Variants in CFLAR observed in about 807,000 individuals in gnomAD.
CFLAR encodes the protein CASP8 and FADD-like apoptosis regulator.
Under a neutral mutation model 51.1 loss-of-function variants are expected in CFLAR, and 14 were observed. The observed-to-expected ratio is 0.27, with a 90% CI of 0.18 to 0.43. The LOEUF (loss-of-function observed/expected upper bound fraction) is 0.43, where lower values mean the gene tolerates loss of function less well. Ranked by LOEUF, CFLAR falls within the 20% of genes least tolerant of loss-of-function variation. The pLI, the probability that CFLAR is intolerant of heterozygous loss-of-function variation, is 1.00. For synonymous variants in CFLAR, 210 were observed against 211.6 expected (o/e 0.99, Z 0.06); for missense variants, 390 against 566.5 (o/e 0.69, Z 3.16).
chr2:201,138,261 C>T lies in CFLAR; in HGVS notation c.524-2096C>T, dbSNP rs770028139. 34 of 826,796 alleles carry T rather than the reference C, an allele frequency of 4.1e-5. No homozygotes were observed. Among genetic ancestry groups the T allele is most frequent in the Non-Finnish European group, 5.8e-5 (27 of 466,268 alleles). 51.2% of individuals were successfully genotyped at this position (826,796 alleles called of 1,614,324 possible). A position where few individuals can be genotyped will look rare whatever the true frequency, so the allele number is the denominator to read the frequency against. ...GACGAGTCCAAGCCTATGACATTGA[C>T]GCCTACCTGGGTGAGCAGGTCCAGG... On this transcript the variant is annotated intron_variant, in intron 4 of 9. Coordinates refer to ENST00000309955, the MANE Select transcript of CFLAR (RefSeq NM_003879.7). This position sits in a 1 kb window ranked among gnomAD's most constrained non-coding sequence, Gnocchi z 4.0.
chr2:201,168,384 A>T lies in CFLAR; in HGVS notation c.*4411A>T, dbSNP rs1217419614. On this transcript the variant is annotated 3_prime_UTR_variant, in exon 10 of 10. Transcript: ENST00000309955. The stretch of plus-strand genomic sequence containing the variant: ...AACTAAAGACAAAAACCACATGATT[A>T]TCTCAATAGATACAGAAAAGGCCTT... 6.6e-6 allele frequency: 1 copy of T among 152,268 alleles called. No homozygotes were observed. Among genetic ancestry groups the T allele is most frequent in the Non-Finnish European group, 1.5e-5 (1 of 68,052 alleles). 9.4% of individuals were successfully genotyped at this position (152,268 alleles called of 1,614,324 possible). A position where few individuals can be genotyped will look rare whatever the true frequency, so the allele number is the denominator to read the frequency against.
chr2:201,148,750 G>A (rs1203000759), intron 6 of CFLAR: 4 of 414,560 alleles, frequency 9.6e-6, no homozygotes, highest in African/African-American at 8.0e-5. Flanking sequence ...CGGGGTAGGG[G>A]AGAGCCTTCT....
rs1943914936 is a variant in CFLAR, at chr2:201,169,989, CTT to C, written c.*6019_*6020del. On this transcript the variant is annotated 3_prime_UTR_variant, in exon 10 of 10. Coordinates refer to ENST00000309955, the MANE Select transcript of CFLAR (RefSeq NM_003879.7). ...GCGAGGCTGTGGAGAAGTAGGAACACTTTTACATTGTTGGTGGGAATGTAAAT... is the reference window on the plus strand; with the variant it reads ...GCGAGGCTGTGGAGAAGTAGGAACACTTACATTGTTGGTGGGAATGTAAAT... 1 of 152,188 alleles carries C rather than the reference CTT, an allele frequency of 6.6e-6. No individual in the cohort carries two copies. Among genetic ancestry groups the C allele is most frequent in the African/African-American group, 2.4e-5 (1 of 41,450 alleles). The allele number at this position is 152,188 out of a possible 1,614,324, so 9.4% of individuals were successfully genotyped here.
intron 9 of CFLAR, among the ~76,000 whole-genome samples, chr2:201,161,701 C>G (rs1253374461): frequency 1.3e-5 from 2 of 150,932 alleles, no homozygotes; most frequent in African/African-American, 4.9e-5. Context: ...AAGCGTGAGC[C>G]ACTGCGCCTG....
intron 9 of CFLAR, chr2:201,163,317 A>G (rs954188644): frequency 3.2e-6 from 4 of 1,234,834 alleles, no homozygotes; most frequent in Admixed American, 8.1e-5. Context: ...GCCACAATGT[A>G]CCTCAAGTAT....
At chr2:201,141,251 A>G (rs1559210665) in intron 5 of CFLAR, 2 of 1,269,932 alleles carry the variant, frequency 1.6e-6, no homozygotes, top group Non-Finnish European at 2.1e-6. Flanking sequence ...TTTTCTTCCT[A>G]CCCCTATAAT....
chr2:201,134,334 G>A (rs1454425867), intron 3 of CFLAR, among the ~76,000 whole-genome samples: 1 of 149,394 alleles, frequency 6.7e-6, no homozygotes, highest in African/African-American at 2.5e-5. Context: ...TTTAACTCCA[G>A]TTGGCCTAGC....
At chr2:201,159,721 A>C (rs969666152) in intron 8 of CFLAR, among the ~76,000 whole-genome samples, 1 of 152,238 alleles carries the variant, frequency 6.6e-6, no homozygotes, top group African/African-American at 2.4e-5. Flanking sequence ...TTATTTACCT[A>C]AAAATGTATA....
chr2:201,139,311 C>A, intron 4 of CFLAR: 2 of 257,138 alleles, frequency 7.8e-6, no homozygotes, highest in East Asian at 1.1e-4. Context: ...GCCGCAGGGA[C>A]CTCTGCCTAG....
At chr2:201,160,300 A>G in intron 8 of CFLAR, 132 bp from the exon 9 acceptor site, 1 of 959,500 alleles carries the variant, frequency 1.0e-6, no homozygotes, top group South Asian at 1.6e-5. Flanking sequence ...GGACTCAGGC[A>G]CATCAAAATA....
chr2:201,145,971 C>CTTT (rs547118436), intron 6 of CFLAR, among the ~76,000 whole-genome samples: 1 of 145,562 alleles, frequency 6.9e-6, no homozygotes, highest in Admixed American at 6.9e-5. Context: ...AAAGATTACT[C>CTTT]TTTTTTTTTT....
rs201919535 is a variant in CFLAR at position 201,149,843 on chromosome 2, T to C, written c.793+8T>C. ...GCATTGGCAATGAGACAGGTAGGTG[T>C]GGAAGCTGCAGATTAACTGGTGCCC... On this transcript the variant is annotated splice_region_variant and intron_variant, in intron 8 of 9. Coordinates refer to ENST00000309955, the MANE Select transcript of CFLAR (RefSeq NM_003879.7). 33 of 1,608,644 alleles carry C rather than the reference T, an allele frequency of 2.1e-5. No individual in the cohort carries two copies. The highest frequency in any genetic ancestry group is 2.6e-5 in the Non-Finnish European group (30 of 1,175,168).
intron 8 of CFLAR, among the ~76,000 whole-genome samples, chr2:201,156,034 T>C (rs1024121375): frequency 6.6e-6 from 1 of 152,232 alleles, no homozygotes; most frequent in Non-Finnish European, 1.5e-5. Flanking sequence ...ACTGGGATTA[T>C]GGCCATGAGC....
rs911077181 is a variant in CFLAR at position 201,165,358 on chromosome 2, C to A, written c.*1385C>A. ...TCATCTTGGCTCATTGCAACCTCTG[C>A]CTTCTGGGTTCAAGCGATTCTCCTG... On this transcript the variant is annotated 3_prime_UTR_variant, in exon 10 of 10. Transcript: ENST00000309955. 2.0e-5 allele frequency: 3 copies of A among 151,024 alleles called. No homozygotes were observed. The highest frequency in any genetic ancestry group is 3.0e-5 in the Non-Finnish European group (2 of 67,784). 9.4% of individuals were successfully genotyped at this position (151,024 alleles called of 1,614,324 possible).
intron 8 of CFLAR, chr2:201,151,397 C>T (rs552143005): frequency 5.3e-5 from 8 of 152,148 alleles, no homozygotes; most frequent in Non-Finnish European, 1.2e-4. Flanking sequence ...TGAGTCAGAA[C>T]TATCTTTCAG....
rs79338238 is a variant in CFLAR, at chr2:201,132,410, C to G, written c.282-619C>G. Among the ~76,000 whole-genome samples, 827 of 140,786 alleles carry G rather than the reference C, an allele frequency of 5.9e-3. 5 individuals carry two copies. Among genetic ancestry groups the G allele is most frequent in the African/African-American group, 0.022 (769 of 35,060 alleles). 92.4% of individuals were successfully genotyped at this position (140,786 alleles called of 152,430 possible). On this transcript the variant is annotated intron_variant, in intron 2 of 9. Transcript: ENST00000309955. ...AAGTGTGGTTGTTGGTTCTCAAAGT[C>G]TATTTCCTAGGGGGGGAAAAATATA...
At chr2:201,127,146 G>T (rs867908950) in intron 1 of CFLAR, among the ~76,000 whole-genome samples, 2 of 152,180 alleles carry the variant, frequency 1.3e-5, no homozygotes, top group Non-Finnish European at 1.5e-5. Context: ...CACTTGGGGG[G>T]AGAAATGAAG....
At position 201,145,368 on chromosome 2, in the gene CFLAR, G is replaced by A. The variant is rs1352853723; in HGVS notation, c.607-10G>A. 2 of 1,580,632 alleles carry A rather than the reference G, an allele frequency of 1.3e-6. No homozygotes were observed. The highest frequency in any genetic ancestry group is 1.7e-6 in the Non-Finnish European group (2 of 1,150,570). The stretch of plus-strand genomic sequence containing the variant: ...AACAGGAAGTATGACCTTATTCTTT[G>A]TATTTGAAGCTCCATAATGGGAGAA... On this transcript the variant is annotated splice_polypyrimidine_tract_variant and intron_variant, in intron 5 of 9. Coordinates refer to ENST00000309955, the MANE Select transcript of CFLAR (RefSeq NM_003879.7).
chr2:201,159,930 T>G (rs1280035878), intron 8 of CFLAR, among the ~76,000 whole-genome samples: 1 of 152,118 alleles, frequency 6.6e-6, no homozygotes, highest in African/African-American at 2.4e-5. Context: ...GATTGGAGGC[T>G]CCACTTCTAT....
Sources: allele counts gnomAD v4.1 joint callset (sites outside exome capture counted in the v4.1 genomes callset), GRCh38; gene constraint gnomAD v4.1.1; non-coding constraint Gnocchi (gnomAD v3.1); transcripts MANE v1.5; gene names NCBI Gene and HGNC (gene_info 2026-07-23, HGNC 2026-07-21).